SP140: variants seen among roughly 807,000 people sequenced by gnomAD.
The protein encoded by SP140 is nuclear body protein SP140.
A neutral mutation model predicts 125.0 loss-of-function variants in SP140; 81 were observed. That is an observed-to-expected ratio of 0.65 (90% confidence interval 0.54 to 0.78). SP140 has a LOEUF of 0.78. Among genes scored for constraint, SP140 ranks in the 30% least tolerant of loss-of-function variants. SP140 has a pLI of 0.00. For missense variants in SP140, 858 were observed against 1,037.0 expected (o/e 0.83, Z 2.37); for synonymous variants, 312 against 354.0 (o/e 0.88, Z 1.33).
At position 230,245,008 on chromosome 2, in the gene SP140, G is replaced by A; in HGVS notation, c.592G>A (p.Glu198Lys). 2 of 1,612,922 alleles carry A rather than the reference G, an allele frequency of 1.2e-6. No individual in the cohort carries two copies. Among genetic ancestry groups the A allele is most frequent in the Non-Finnish European group, 1.7e-6 (2 of 1,179,290 alleles). ...CEPGFSSESC[E>K]QLALPKAGGG... ...TCCAGGTTTCTCTTCAGAGTCTTGT[G>A]AGCAGTTAGCTCTCCCAAAGGCTGG... Residue 198 changes from glutamate (E) to lysine (K), a missense_variant, in exon 6 of 27, where the codon GAG (glutamate) becomes AAG (lysine). By Grantham distance (56) the Glu-to-Lys change is moderately conservative. This residue lies in a region of SP140 where 791 missense variants were observed against 869.5 expected (regional missense o/e 0.91). Transcript: ENST00000392045.
chr2:230,273,010 A>G (rs938383175), intron 15 of SP140, among the ~76,000 whole-genome samples: 4 of 152,234 alleles, frequency 2.6e-5, no homozygotes, highest in South Asian at 2.1e-4. Context: ...GACCTAGGCA[A>G]TACCATTCAG....
rs192333208 is a variant in SP140, at chr2:230,256,678, A to C, written c.1240+1146A>C. On this transcript the variant is annotated intron_variant, in intron 12 of 26. Coordinates refer to ENST00000392045, the MANE Select transcript of SP140 (RefSeq NM_007237.5). ...CTAAAACTTAAAGTATAATAAAAAA[A>C]ATTTCTATTCTCACTCCCTCTATGG... is the stretch of plus-strand genomic sequence containing the variant. 1.1e-4 allele frequency among the ~76,000 whole-genome samples: 17 copies of C among 152,310 alleles called. No individual in the cohort carries two copies. In the East Asian group the frequency reaches 2.5e-3, roughly 22 times the overall value.
intron 3 of SP140, chr2:230,220,030 G>A: frequency 1.0e-6 from 1 of 985,602 alleles, no homozygotes. Context: ...GAAAAGAAAA[G>A]TGAAAGTTTT....
intron 23 of SP140, 169 bp downstream of exon 23, chr2:230,310,208 G>A: frequency 1.6e-6 from 1 of 629,590 alleles, no homozygotes; most frequent in South Asian, 2.0e-5. Context: ...GCTGGCAGCA[G>A]GAGGTTAATG....
intron 1 of SP140, among the ~76,000 whole-genome samples, chr2:230,204,498 GC>G (rs1414918566): frequency 1.3e-5 from 2 of 152,020 alleles, no homozygotes; most frequent in Admixed American, 1.3e-4. Context: ...ACCACGTGGT[GC>G]CCATAATGTC....
At position 230,312,710 on chromosome 2, in the gene SP140, T is replaced by A. The variant is rs770453014; in HGVS notation, c.*26T>A. On this transcript the variant is annotated 3_prime_UTR_variant, in exon 27 of 27. Transcript: ENST00000392045. ...CTGGATTAGTGGATGCTGAAAGCATTCAGCAAATGGCACCCTAAAATATGC... is the reference window on the plus strand; with the variant it reads ...CTGGATTAGTGGATGCTGAAAGCATACAGCAAATGGCACCCTAAAATATGC... 2 of 1,523,374 alleles carry A rather than the reference T, an allele frequency of 1.3e-6. No individual in the cohort carries two copies. The highest frequency in any genetic ancestry group is 1.8e-6 in the Non-Finnish European group (2 of 1,099,262). The allele number at this position is 1,523,374 out of a possible 1,614,324, so 94.4% of individuals were successfully genotyped here.
intron 10 of SP140, 126 bp downstream of exon 10, chr2:230,251,187 G>T: frequency 2.6e-6 from 2 of 765,774 alleles, no homozygotes; most frequent in South Asian, 1.7e-5. Context: ...TTAAATCTGA[G>T]ATTTTTCACA....
intron 1 of SP140, among the ~76,000 whole-genome samples, chr2:230,231,094 AT>A (rs1301931519): frequency 6.6e-6 from 1 of 152,032 alleles, no homozygotes; most frequent in Non-Finnish European, 1.5e-5. Flanking sequence ...CATTTCTAGC[AT>A]TTCATTTTTC....
intron 3 of SP140, chr2:230,216,935 A>G (rs2045251992): frequency 6.2e-7 from 1 of 1,612,556 alleles, no homozygotes; most frequent in African/African-American, 1.3e-5. Context: ...CATCCTATGG[A>G]AAGAGGCATG....
chr2:230,271,310 A>G (rs529789435), intron 15 of SP140, among the ~76,000 whole-genome samples: 1 of 152,350 alleles, frequency 6.6e-6, no homozygotes, highest in South Asian at 2.1e-4. Flanking sequence ...CAGAGGCTGG[A>G]AGAATTTTAG....
At chr2:230,265,152 G>C (rs888601871) in intron 12 of SP140, among the ~76,000 whole-genome samples, 1 of 152,046 alleles carries the variant, frequency 6.6e-6, no homozygotes, top group African/African-American at 2.4e-5. Flanking sequence ...AGCTGCTGTG[G>C]GGGATGGGGG....
rs147417322 is a variant in SP140, at chr2:230,293,478, G to A, written c.1968+690G>A. ...CAGCCTCTCGAGTAGCTGGAACTAC[G>A]GTTGTGCACCACCATGCCAGGCTAA... is the stretch of plus-strand genomic sequence containing the variant. On this transcript the variant is annotated intron_variant, in intron 20 of 26. Coordinates refer to ENST00000392045, the MANE Select transcript of SP140 (RefSeq NM_007237.5). Among the ~76,000 whole-genome samples the A allele has an allele frequency of 3.8e-3, 580 of 152,140 alleles. 2 individuals carry two copies. The highest frequency in any genetic ancestry group is 0.024 in the Middle Eastern group (7 of 294).
intron 20 of SP140, 90 bp downstream of exon 20, chr2:230,292,878 T>C (rs1319384048): frequency 2.5e-6 from 4 of 1,569,150 alleles, no homozygotes; most frequent in Non-Finnish European, 3.5e-6. Context: ...TGTTAGGTTA[T>C]AGCTAAAGCC....
intron 15 of SP140, among the ~76,000 whole-genome samples, chr2:230,275,566 C>A (rs1284152626): frequency 6.6e-6 from 1 of 152,138 alleles, no homozygotes; most frequent in Non-Finnish European, 1.5e-5. Context: ...GTTCCCCTGT[C>A]TCTCTCCCTC....
chr2:230,256,996 G>A (rs536400266), intron 12 of SP140, among the ~76,000 whole-genome samples: 1 of 152,266 alleles, frequency 6.6e-6, no homozygotes, highest in African/African-American at 2.4e-5. Flanking sequence ...ACACAGAAAT[G>A]CATGTGACAC....
At chr2:230,258,309 G>C (rs2051594495) in intron 12 of SP140, among the ~76,000 whole-genome samples, 1 of 152,294 alleles carries the variant, frequency 6.6e-6, no homozygotes, top group East Asian at 1.9e-4. Context: ...TAGATTGAGA[G>C]TGTTATCCTT....
chr2:230,216,700 G>T lies in SP140; in HGVS notation c.-91+2626G>T, dbSNP rs987956422. On this transcript the variant is annotated intron_variant, in intron 3 of 4. Coordinates refer to the SP140 transcript ENST00000456542. ...GGGCCTTCCAAACTCTGGAAGCCCT[G>T]GTGGTTTGTGGTTTGAGACTTTAAT... 7.7e-5 allele frequency: 120 copies of T among 1,551,620 alleles called. No homozygotes were observed. In the Admixed American group the frequency reaches 2.0e-3, roughly 26 times the overall value.
At position 230,212,885 on chromosome 2, in the gene SP140, C is replaced by A. The variant is rs201957445; in HGVS notation, c.-322-769C>A. 46 of 1,614,004 alleles carry A rather than the reference C, an allele frequency of 2.9e-5. No homozygotes were observed. Among genetic ancestry groups the A allele is most frequent in the Non-Finnish European group, 3.8e-5 (45 of 1,179,998 alleles). ...ATGTTCCAGGCTCACTGACTCTTGG[C>A]GCACAGGGTGAACAGCTTGGTTGAG... On this transcript the variant is annotated intron_variant, in intron 1 of 4. Transcript: ENST00000456542.
At chr2:230,275,344 G>A (rs1027808904) in intron 15 of SP140, among the ~76,000 whole-genome samples, 2 of 151,774 alleles carry the variant, frequency 1.3e-5, no homozygotes, top group Admixed American at 6.5e-5. Context: ...CCAACAGCAT[G>A]TGCTCACTTT....
Sources: gnomAD v4.1 joint callset for allele counts (sites outside exome capture counted in the v4.1 genomes callset) on GRCh38, gnomAD v4.1.1 for gene constraint, gnomAD v4.1.1 regional missense constraint, MANE v1.5 for transcripts, NCBI Gene and HGNC (gene_info 2026-07-23, HGNC 2026-07-21) for gene names.